SNAI1: variants seen among roughly 807,000 people sequenced by gnomAD.
The protein encoded by SNAI1 is snail family transcriptional repressor 1, also known as zinc finger protein SNAI1.
Under a neutral mutation model 24.7 loss-of-function variants are expected in SNAI1, and 15 were observed. That is an observed-to-expected ratio of 0.61 (90% CI 0.41 to 0.93). SNAI1 has a LOEUF of 0.93. Among genes scored for constraint, SNAI1 ranks in the 40% least tolerant of loss-of-function variants. SNAI1 has a pLI of 0.00. For synonymous variants in SNAI1, 163 were observed against 142.9 expected, an observed-to-expected ratio of 1.14 and a Z score of -1.00; for missense variants, 283 against 336.7, an observed-to-expected ratio of 0.84 and a Z score of 1.25.
chr20:49,988,780 T>G lies in SNAI1; in HGVS notation c.*724T>G, dbSNP rs1036937083. 1 of 152,642 alleles carries G rather than the reference T, an allele frequency of 6.6e-6. No individual in the cohort carries two copies. The highest frequency in any genetic ancestry group is 1.5e-5 in the Non-Finnish European group (1 of 68,052). The allele number at this position is 152,642 out of a possible 1,614,324, so 9.5% of individuals were successfully genotyped here. On this transcript the variant is annotated 3_prime_UTR_variant, in exon 3 of 3. Coordinates refer to ENST00000244050, the MANE Select transcript of SNAI1 (RefSeq NM_005985.4). ...AGGAAGATGTTTACATTTTTAAAGG[T>G]ACACTGGTATTTATATTTCAAACAT... is the stretch of plus-strand genomic sequence containing the variant.
intron 1 of SNAI1, 123 bp downstream of exon 1, chr20:49,983,264 A>G: frequency 1.3e-6 from 1 of 781,686 alleles, no homozygotes; most frequent in African/African-American, 1.7e-5. Context: ...TTTGTGGACC[A>G]TTGCGGGCTC....
intron 2 of SNAI1, among the ~76,000 whole-genome samples, chr20:49,985,660 A>G (rs2078331683): frequency 6.8e-6 from 1 of 146,412 alleles, no homozygotes; most frequent in Non-Finnish European, 1.5e-5. Context: ...ATTGACTCCC[A>G]TTGTGTGCCT....
At chr20:49,984,476 G>C in intron 2 of SNAI1, 125 bp downstream of exon 2, 1 of 998,986 alleles carries the variant, frequency 1.0e-6, no homozygotes, top group East Asian at 2.6e-5. Context: ...TCTAGCTCAA[G>C]TTCCAGGGCC....
At position 49,984,185 on chromosome 20, in the gene SNAI1, C is replaced by T. The variant is rs1465885659; in HGVS notation, c.444C>T (p.Leu148=). The change falls in exon 2 of 3, where the codon CTC becomes CTT. Residue 148 remains leucine (L), a synonymous_variant. Coordinates refer to ENST00000244050, the MANE Select transcript of SNAI1 (RefSeq NM_005985.4). ...QLAQLSEAKD[L]QARKAFNCKY... ...CCCAGCTCTCTGAGGCCAAGGATCT[C>T]CAGGCTCGAAAGGCCTTCAACTGCA... is the stretch of plus-strand genomic sequence containing the variant. 1.2e-6 allele frequency: 2 copies of T among 1,614,248 alleles called. No homozygotes were observed. The highest frequency in any genetic ancestry group is 1.7e-5 in the Admixed American group (1 of 60,030).
chr20:49,985,298 A>T (rs373518617), intron 2 of SNAI1, among the ~76,000 whole-genome samples: 2 of 152,194 alleles, frequency 1.3e-5, no homozygotes, highest in East Asian at 3.9e-4. Flanking sequence ...ACAGGGTTCA[A>T]GCTGGCCAGG....
intron 2 of SNAI1, 97 bp downstream of exon 2, chr20:49,984,448 G>GC (rs1362406416): frequency 8.2e-7 from 1 of 1,224,758 alleles, no homozygotes; most frequent in African/African-American, 1.5e-5. Flanking sequence ...GGACACTGAG[G>GC]CCCCGAGTCT....
rs572755700 is a variant in SNAI1, at chr20:49,983,486, G to C, written c.83-338G>C. 2.6e-5 allele frequency among the ~76,000 whole-genome samples: 4 copies of C among 151,594 alleles called. No homozygotes were observed. The South Asian group carries it at 8.4e-4, about 32-fold the overall frequency. On this transcript the variant is annotated intron_variant, in intron 1 of 2. Transcript: ENST00000244050. Reference sequence around the variant, plus strand: ...TCCGGAGTCCAGAGGGTTGAGGGGAGGGGTGGGGAGACGAGATGTGTGTGA... The same window carrying C: ...TCCGGAGTCCAGAGGGTTGAGGGGACGGGTGGGGAGACGAGATGTGTGTGA...
At chr20:49,984,383 C>A in intron 2 of SNAI1, 32 bp downstream of exon 2, 2 of 1,538,412 alleles carry the variant, frequency 1.3e-6, no homozygotes, top group Non-Finnish European at 1.8e-6. Flanking sequence ...CCCACCGTTG[C>A]TCTCTCTGGC....
chr20:49,986,365 C>A (rs1329899830), intron 2 of SNAI1, among the ~76,000 whole-genome samples: 1 of 152,018 alleles, frequency 6.6e-6, no homozygotes, highest in Non-Finnish European at 1.5e-5. Context: ...CTCCATAAGT[C>A]CCTATTGAAT....
Position 49,983,007 on chromosome 20 carries a change from G to T in SNAI1, c.-53G>T. 1 of 1,361,420 alleles carries T rather than the reference G, an allele frequency of 7.3e-7. No homozygotes were observed. The highest frequency in any genetic ancestry group is 1.0e-6 in the Non-Finnish European group (1 of 961,240). 84.3% of individuals were successfully genotyped at this position (1,361,420 alleles called of 1,614,324 possible). Reference sequence around the variant, plus strand: ...TGCGCCGCGGCACGGCCTAGCGAGTGGTTCTTCTGCGCTACTGCTGCGCGA... The same window carrying T: ...TGCGCCGCGGCACGGCCTAGCGAGTTGTTCTTCTGCGCTACTGCTGCGCGA... On this transcript the variant is annotated 5_prime_UTR_variant, in exon 1 of 3. Coordinates refer to ENST00000244050, the MANE Select transcript of SNAI1 (RefSeq NM_005985.4).
Position 49,984,092 on chromosome 20 carries a change from A to G in SNAI1, c.351A>G (p.Ser117=), listed in dbSNP as rs780380380. 8.1e-6 allele frequency: 13 copies of G among 1,614,120 alleles called. No homozygotes were observed. The highest frequency in any genetic ancestry group is 1.1e-5 in the Non-Finnish European group (13 of 1,180,002). ...CTCCTTCGTCCTTCTCCTCTACTTC[A>G]GTCTCTTCCTTGGAGGCCGAGGCCT... The part of the protein sequence containing the change: ...SPAPSSFSST[S]VSSLEAEAYA... Residue 117 remains serine, a synonymous_variant, in exon 2 of 3, where the codon TCA becomes TCG. Transcript: ENST00000244050.
In SNAI1 at chr20:49,988,143, A is replaced by C. The variant is rs2146881362; in HGVS notation, c.*87A>C. 8.3e-7 allele frequency: 1 copy of C among 1,208,888 alleles called. No homozygotes were observed. The highest frequency in any genetic ancestry group is 1.2e-6 in the Non-Finnish European group (1 of 864,776). 74.9% of individuals were successfully genotyped at this position (1,208,888 alleles called of 1,614,324 possible). A position where few individuals can be genotyped will look rare whatever the true frequency, so the allele number is the denominator to read the frequency against. On this transcript the variant is annotated 3_prime_UTR_variant, in exon 3 of 3. Coordinates refer to ENST00000244050, the MANE Select transcript of SNAI1 (RefSeq NM_005985.4). ...GCAGGAAGGACCCCACATCCTTCTCACTGCCATGGAATTCCCTCCTGAGTG... is the reference window on the plus strand; with the variant it reads ...GCAGGAAGGACCCCACATCCTTCTCCCTGCCATGGAATTCCCTCCTGAGTG...
chr20:49,986,417 C>T (rs2078334053), intron 2 of SNAI1, among the ~76,000 whole-genome samples: 1 of 152,108 alleles, frequency 6.6e-6, no homozygotes, highest in South Asian at 2.1e-4. Flanking sequence ...TCTCTCCTAC[C>T]CTGGTAGCTC....
Position 49,984,216 on chromosome 20 carries a change from T to C in SNAI1, c.475T>C (p.Cys159Arg). 1 of 1,614,200 alleles carries C rather than the reference T, an allele frequency of 6.2e-7. No homozygotes were observed. The highest frequency in any genetic ancestry group is 8.5e-7 in the Non-Finnish European group (1 of 1,180,026). Reference protein sequence around the residue: ...QARKAFNCKYCNKEYLSLGAL... With the variant: ...QARKAFNCKYRNKEYLSLGAL... ...TCGAAAGGCCTTCAACTGCAAATAC[T>C]GCAACAAGGAATACCTCAGCCTGGG... is the stretch of plus-strand genomic sequence containing the variant. Residue 159 changes from cysteine to arginine, a missense_variant, in exon 2 of 3, where the codon TGC becomes CGC. By Grantham distance (180) the Cys-to-Arg change is radical. Coordinates refer to ENST00000244050, the MANE Select transcript of SNAI1 (RefSeq NM_005985.4).
chr20:49,983,882 G>T lies in SNAI1; in HGVS notation c.141G>T (p.Pro47=). 1 of 1,612,414 alleles carries T rather than the reference G, an allele frequency of 6.2e-7. No homozygotes were observed. Among genetic ancestry groups the T allele is most frequent in the Non-Finnish European group, 8.5e-7 (1 of 1,179,676 alleles). ...QAHLLAAIPP[P]EILNPTASLP... ...ACCTGCTGGCAGCCATCCCACCTCCGGAGATCCTCAACCCCACCGCCTCGC... is the reference window on the plus strand; with the variant it reads ...ACCTGCTGGCAGCCATCCCACCTCCTGAGATCCTCAACCCCACCGCCTCGC... Residue 47 remains proline (P), a synonymous_variant, in exon 2 of 3, where the codon CCG becomes CCT. Transcript: ENST00000244050.
chr20:49,984,121 C>T lies in SNAI1; in HGVS notation c.380C>T (p.Ala127Val), dbSNP rs2078326517. Residue 127 changes from alanine (A) to valine (V), a missense_variant, in exon 2 of 3, where the codon GCT becomes GTT. Transcript: ENST00000244050. ...SVSSLEAEAY[A>V]AFPGLGQVPK... ...TCTTCCTTGGAGGCCGAGGCCTATG[C>T]TGCCTTCCCAGGCTTGGGCCAAGTG... 6.2e-7 allele frequency: 1 copy of T among 1,614,226 alleles called. No homozygotes were observed. Among genetic ancestry groups the T allele is most frequent in the African/African-American group, 1.3e-5 (1 of 75,058 alleles).
At position 49,988,419 on chromosome 20, in the gene SNAI1, A is replaced by G. The variant is rs1012993707; in HGVS notation, c.*363A>G. The G allele has an allele frequency of 1.1e-4, 20 of 178,498 alleles. No homozygotes were observed. The highest frequency in any genetic ancestry group is 1.5e-4 in the Non-Finnish European group (13 of 85,754). 11.1% of individuals were successfully genotyped at this position (178,498 alleles called of 1,614,324 possible). A position where few individuals can be genotyped will look rare whatever the true frequency, so the allele number is the denominator to read the frequency against. On this transcript the variant is annotated 3_prime_UTR_variant, in exon 3 of 3. Transcript: ENST00000244050. ...AGACTCACTGGGAAGCTCCCACCCCACTCAGGGGACCCCACTCCCCTCACA... is the reference window on the plus strand; with the variant it reads ...AGACTCACTGGGAAGCTCCCACCCCGCTCAGGGGACCCCACTCCCCTCACA...
Position 49,983,998 on chromosome 20 carries a change from C to A in SNAI1, c.257C>A (p.Ala86Glu). The stretch of plus-strand genomic sequence containing the variant: ...CGGCTCCAGGAGAGTCCCAGGGTGG[C>A]AGAGCTGACCTCCCTGTCAGATGAG... ...SLRLQESPRV[A>E]ELTSLSDEDS... The change falls in exon 2 of 3, where the codon GCA becomes GAA. Residue 86 changes from alanine (A) to glutamate (E), a missense_variant. Physicochemically the swap from Ala to Glu is moderately radical, Grantham distance 107. Transcript: ENST00000244050. 1 of 1,613,450 alleles carries A rather than the reference C, an allele frequency of 6.2e-7. No homozygotes were observed. The highest frequency in any genetic ancestry group is 8.5e-7 in the Non-Finnish European group (1 of 1,179,692).
chr20:49,984,448 G>T, intron 2 of SNAI1, 97 bp downstream of exon 2: 1 of 1,224,876 alleles, frequency 8.2e-7, no homozygotes, highest in Non-Finnish European at 1.1e-6. Context: ...GGACACTGAG[G>T]CCCCGAGTCT....
Sources: gnomAD v4.1 joint callset for allele counts (sites outside exome capture counted in the v4.1 genomes callset) on GRCh38, gnomAD v4.1.1 for gene constraint, MANE v1.5 for transcripts, NCBI Gene and HGNC (gene_info 2026-07-23, HGNC 2026-07-21) for gene names.